Variants in EEIG1 observed in about 807,000 individuals in gnomAD.
EEIG1 encodes early estrogen-induced gene 1 protein.
At chr9:127,946,694 G>C in the EEIG1 span, among the ~76,000 whole-genome samples, 9 of 152,216 alleles carry the variant, frequency 5.9e-5, no homozygotes, top group Non-Finnish European at 2.9e-5. Flanking sequence ...GAGTAATTGT[G>C]CTGGGAAGCC....
chr9:127,975,157 G>A, the EEIG1 span, among the ~76,000 whole-genome samples: 1 of 152,318 alleles, frequency 6.6e-6, no homozygotes, highest in South Asian at 2.1e-4. Context: ...GGAAAGACCC[G>A]GCCAGGCTGG....
the EEIG1 span, chr9:127,941,989 AGTTACAAGGACTTGG>A: frequency 6.6e-6 from 1 of 152,618 alleles, no homozygotes; most frequent in Non-Finnish European, 1.5e-5. Flanking sequence ...CCTTCAAGCA[AGTTACAAGGACTTGG>A]GGGAAAGTGC....
At chr9:127,942,038 G>T in the EEIG1 span, 2 of 152,678 alleles carry the variant, frequency 1.3e-5, no homozygotes, top group Non-Finnish European at 2.9e-5. Context: ...TTTAGTAGGG[G>T]GCAGGGCCAG....
the EEIG1 span, chr9:127,945,783 G>C: frequency 7.0e-7 from 1 of 1,430,636 alleles, no homozygotes; most frequent in Admixed American, 2.0e-5. The surrounding 1 kb of genome is among the most constrained non-coding windows in gnomAD (Gnocchi z 6.5). Flanking sequence ...AGGGGGTGAG[G>C]TGACAGGGGT....
the EEIG1 span, among the ~76,000 whole-genome samples, chr9:127,952,898 G>A: frequency 1.3e-5 from 2 of 152,160 alleles, no homozygotes; most frequent in Non-Finnish European, 2.9e-5. Context: ...TGTATCTGTA[G>A]TAGAGACGGG....
At chr9:127,979,351 A>C in the EEIG1 span, among the ~76,000 whole-genome samples, 14 of 152,244 alleles carry the variant, frequency 9.2e-5, no homozygotes, top group Admixed American at 5.9e-4. Flanking sequence ...GCATTCAGCA[A>C]CAAGCTGGGC....
chr9:127,979,845 A>G, the EEIG1 span: 1 of 944,928 alleles, frequency 1.1e-6, no homozygotes. Flanking sequence ...CCTCAGGCCC[A>G]GTCCTGCCTT....
At chr9:127,966,216 G>A in the EEIG1 span, among the ~76,000 whole-genome samples, 8 of 152,182 alleles carry the variant, frequency 5.3e-5, no homozygotes, top group East Asian at 3.8e-4. Context: ...CTGGGAAAGC[G>A]TCAGGGTTAG....
the EEIG1 span, among the ~76,000 whole-genome samples, chr9:127,965,527 C>G: frequency 3.2e-4 from 48 of 152,246 alleles, no homozygotes; most frequent in African/African-American, 1.1e-3. Context: ...GAACAGGGCC[C>G]CATCACTTAA....
chr9:127,948,973 AGAG>A, the EEIG1 span, among the ~76,000 whole-genome samples: 3 of 152,232 alleles, frequency 2.0e-5, no homozygotes, highest in African/African-American at 7.2e-5. Flanking sequence ...CAAGTGGAAA[AGAG>A]GAGCACAGAT....
chr9:127,950,599 A>G, the EEIG1 span: 1 of 1,588,624 alleles, frequency 6.3e-7, no homozygotes, highest in Non-Finnish European at 8.6e-7. Context: ...GGCTGGCGGA[A>G]GCCCAGAAGG....
the EEIG1 span, among the ~76,000 whole-genome samples, chr9:127,958,725 A>T: frequency 6.6e-6 from 1 of 152,174 alleles, no homozygotes; most frequent in African/African-American, 2.4e-5. Context: ...AAAGGACATC[A>T]TCAAAAAAGT....
the EEIG1 span, among the ~76,000 whole-genome samples, chr9:127,967,921 C>A: frequency 2.0e-5 from 3 of 151,682 alleles, no homozygotes; most frequent in East Asian, 5.8e-4. Flanking sequence ...GCTGGTCACA[C>A]AGTCCCCTAC....
chr9:127,950,534 G>A, the EEIG1 span: 8,094 of 1,613,834 alleles, frequency 5.0e-3, 32 homozygotes, highest in Non-Finnish European at 5.5e-3. Context: ...AGTCAGCGAA[G>A]CCCAGCTAGG....
the EEIG1 span, among the ~76,000 whole-genome samples, chr9:127,967,511 A>G: frequency 0.87 from 131,698 of 152,214 alleles, 58,397 homozygotes; most frequent in Non-Finnish European, 0.97. Flanking sequence ...CCAGGGTTGG[A>G]CCCAAGACCC....
the EEIG1 span, among the ~76,000 whole-genome samples, chr9:127,958,876 C>T: frequency 6.6e-6 from 1 of 152,110 alleles, no homozygotes; most frequent in Admixed American, 6.6e-5. Flanking sequence ...TCCAAATAGA[C>T]ATTTCTCCAA....
chr9:127,978,924 T>C, the EEIG1 span, among the ~76,000 whole-genome samples: 51 of 151,768 alleles, frequency 3.4e-4, no homozygotes, highest in African/African-American at 1.2e-3. Flanking sequence ...GACTGAGATA[T>C]GAGAATTGAT....
chr9:127,948,121 G>C, the EEIG1 span: 1 of 1,613,582 alleles, frequency 6.2e-7, no homozygotes, highest in Non-Finnish European at 8.5e-7. Context: ...CCCAGTCAGG[G>C]AGTTGGTGCT....
At chr9:127,951,827 A>AG in the EEIG1 span, among the ~76,000 whole-genome samples, 374 of 151,154 alleles carry the variant, frequency 2.5e-3, 4 homozygotes, top group African/African-American at 8.1e-3. Flanking sequence ...AAAAAAAAAA[A>AG]AAAAGAAAAG....
Sources: allele counts gnomAD v4.1 joint callset (sites outside exome capture counted in the v4.1 genomes callset), GRCh38; gene constraint gnomAD v4.1.1; non-coding constraint Gnocchi (gnomAD v3.1); transcripts MANE v1.5; gene names NCBI Gene and HGNC (gene_info 2026-07-23, HGNC 2026-07-21).